JAK2: variants seen among roughly 807,000 people sequenced by gnomAD.
JAK2 encodes the protein tyrosine-protein kinase JAK2.
A neutral mutation model predicts 139.3 loss-of-function variants in JAK2; 86 were observed. That is an observed-to-expected ratio of 0.62 (90% CI 0.52 to 0.74). The LOEUF (loss-of-function observed/expected upper bound fraction) is 0.74, where lower values mean the gene tolerates loss of function less well. Ranked by LOEUF, JAK2 falls within the 30% of genes least tolerant of loss-of-function variation. JAK2 has a pLI of 0.00. For missense variants in JAK2, 1,421 were observed against 1,360.3 expected, an observed-to-expected ratio of 1.04 and a Z score of -0.70; for synonymous variants, 490 against 437.7, an observed-to-expected ratio of 1.12 and a Z score of -1.49.
At chr9:5,088,881 C>CCTAT (rs112967766) in intron 19 of JAK2, among the ~76,000 whole-genome samples, 9 of 152,214 alleles carry the variant, frequency 5.9e-5, no homozygotes, top group African/African-American at 7.2e-5. Flanking sequence ...CTCACAAGGC[C>CCTAT]CTATCTCCAA....
At chr9:5,012,085 C>T (rs189455851) in intron 2 of JAK2, among the ~76,000 whole-genome samples, 1 of 152,286 alleles carries the variant, frequency 6.6e-6, no homozygotes, top group East Asian at 1.9e-4. Context: ...CCCACTGACT[C>T]CCATTTTCCT....
chr9:5,036,662 T>C (rs1406138864), intron 4 of JAK2, among the ~76,000 whole-genome samples: 3 of 152,200 alleles, frequency 2.0e-5, no homozygotes, highest in African/African-American at 4.8e-5. Flanking sequence ...TAGCCATGTG[T>C]AGAAAGCTGA....
intron 10 of JAK2, 135 bp downstream of exon 10, chr9:5,066,924 T>C: frequency 2.6e-6 from 1 of 387,542 alleles, no homozygotes; most frequent in Non-Finnish European, 4.5e-6. Flanking sequence ...AATGCTTAAT[T>C]TCCTCAGAGA....
At position 5,076,526 on chromosome 9, in the gene JAK2, T is replaced by G. The variant is rs1215941177; in HGVS notation, c.1865-927T>G. On this transcript the variant is annotated intron_variant, in intron 14 of 24. Coordinates refer to ENST00000381652, the MANE Select transcript of JAK2 (RefSeq NM_004972.4). ...AAGTATTTTTAAAAAGATATATTCT[T>G]TGTTTTTTTTAAGATATAACGCTGT... 4.6e-5 allele frequency among the ~76,000 whole-genome samples: 7 copies of G among 152,170 alleles called. No homozygotes were observed. The East Asian group carries it at 1.3e-3, about 29-fold the overall frequency.
intron 5 of JAK2, among the ~76,000 whole-genome samples, chr9:5,045,938 A>G (rs999303773): frequency 2.6e-5 from 4 of 152,104 alleles, no homozygotes; most frequent in African/African-American, 9.7e-5. Flanking sequence ...TGGTAAATTT[A>G]TAATTTTTTT....
chr9:4,994,415 A>C (rs1490578105), intron 2 of JAK2, among the ~76,000 whole-genome samples: 1 of 152,194 alleles, frequency 6.6e-6, no homozygotes, highest in Non-Finnish European at 1.5e-5. Flanking sequence ...AGTTTGTTTC[A>C]TTAGCTCTGG....
rs772421530 is a variant in JAK2 at position 5,021,991 on chromosome 9, G to A, written c.4G>A (p.Gly2Arg). 7 of 1,611,506 alleles carry A rather than the reference G, an allele frequency of 4.3e-6. No individual in the cohort carries two copies. Among genetic ancestry groups the A allele is most frequent in the Admixed American group, 1.7e-5 (1 of 60,006 alleles). The change falls in exon 3 of 25, where the codon GGA (glycine) becomes AGA (arginine). Residue 2 changes from glycine to arginine, a missense_variant. Transcript: ENST00000381652. ...AATGTTCTGAAAAAGACTCTGCATG[G>A]GAATGGCCTGCCTTACGATGACAGA... MGMACLTMTEME... is the reference protein window; with the variant it reads MRMACLTMTEME...
intron 14 of JAK2, among the ~76,000 whole-genome samples, chr9:5,074,914 C>T (rs1411064480): frequency 6.6e-6 from 1 of 152,126 alleles, no homozygotes; most frequent in African/African-American, 2.4e-5. Context: ...GTTATGAATC[C>T]AAAGGAAAAG....
At chr9:5,079,780 T>C (rs926479047) in intron 16 of JAK2, among the ~76,000 whole-genome samples, 23 of 151,996 alleles carry the variant, frequency 1.5e-4, no homozygotes, top group Non-Finnish European at 2.5e-4. Flanking sequence ...AATCGTGCCA[T>C]TGCACTCTAG....
chr9:5,111,919 T>C (rs1164820894), intron 22 of JAK2: 1 of 349,578 alleles, frequency 2.9e-6, no homozygotes, highest in East Asian at 8.3e-5. Context: ...CTGGCCTCAA[T>C]CTACTCTCCG....
At chr9:5,009,342 A>G (rs1587820232) in intron 2 of JAK2, among the ~76,000 whole-genome samples, 2 of 152,332 alleles carry the variant, frequency 1.3e-5, no homozygotes, top group African/African-American at 4.8e-5. Context: ...AAAATTGTGT[A>G]TAGTGGCTAC....
intron 19 of JAK2, among the ~76,000 whole-genome samples, chr9:5,084,392 C>T (rs1819926504): frequency 6.6e-6 from 1 of 152,128 alleles, no homozygotes; most frequent in Admixed American, 6.5e-5. Flanking sequence ...AAAATGATTG[C>T]ATGTCACCTT....
chr9:5,077,588 G>C lies in JAK2; in HGVS notation c.1992+8G>C, dbSNP rs550835638. The C allele has an allele frequency of 1.4e-6, 2 of 1,459,870 alleles. No individual in the cohort carries two copies. Among genetic ancestry groups the C allele is most frequent in the Non-Finnish European group, 1.8e-6 (2 of 1,103,368 alleles). The allele number at this position is 1,459,870 out of a possible 1,614,324, so 90.4% of individuals were successfully genotyped here. ...TGGGCCATGCATTTTCTAGTAAGTA[G>C]TACAACCTTTTTATCAAAAGATACT... On this transcript the variant is annotated splice_region_variant and intron_variant, in intron 15 of 24. Transcript: ENST00000381652.
At chr9:5,045,602 A>T (rs148358255) in intron 5 of JAK2, among the ~76,000 whole-genome samples, 125 of 152,156 alleles carry the variant, frequency 8.2e-4, no homozygotes, top group Admixed American at 1.4e-3. Context: ...TTTTGCAATC[A>T]CCATTCTACT....
intron 12 of JAK2, among the ~76,000 whole-genome samples, chr9:5,071,878 C>A (rs1384309721): frequency 6.6e-6 from 1 of 152,128 alleles, no homozygotes; most frequent in Non-Finnish European, 1.5e-5. Flanking sequence ...TCAACAATTA[C>A]TTTGTAAAGA....
At chr9:5,124,476 T>C (rs1466824337) in intron 23 of JAK2, among the ~76,000 whole-genome samples, 3 of 151,684 alleles carry the variant, frequency 2.0e-5, no homozygotes, top group Non-Finnish European at 4.4e-5. Context: ...TCCTTTCCCA[T>C]ACTGCGCAAA....
chr9:4,993,479 A>C (rs1563911258), intron 2 of JAK2, among the ~76,000 whole-genome samples: 1 of 152,214 alleles, frequency 6.6e-6, no homozygotes, highest in Non-Finnish European at 1.5e-5. Flanking sequence ...GAAGAAGCCA[A>C]ATTGCTTTAA....
intron 8 of JAK2, 112 bp downstream of exon 8, chr9:5,055,900 TAA>T: frequency 1.1e-6 from 1 of 929,266 alleles, no homozygotes; most frequent in Non-Finnish European, 1.6e-6. Flanking sequence ...ATTGTAGTTT[TAA>T]ATATAACTCT....
chr9:5,113,587 C>A, intron 22 of JAK2: 1 of 159,140 alleles, frequency 6.3e-6, no homozygotes, highest in South Asian at 1.7e-4. Flanking sequence ...CCTTGATCCC[C>A]TGCTGCAAAG....
Sources: allele counts gnomAD v4.1 joint callset (sites outside exome capture counted in the v4.1 genomes callset), GRCh38; gene constraint gnomAD v4.1.1; transcripts MANE v1.5; gene names NCBI Gene and HGNC (gene_info 2026-07-23, HGNC 2026-07-21).